The following FUNDC1 variants were observed in gnomAD, a reference collection of about 807,000 sequenced individuals.
The protein encoded by FUNDC1 is FUN14 domain containing 1, also known as FUN14 domain-containing protein 1.
A neutral mutation model predicts 14.5 loss-of-function variants in FUNDC1; 10 were observed. That is an observed-to-expected ratio of 0.69 (90% CI 0.43 to 1.17). The LOEUF is 1.17. Among genes scored for constraint, FUNDC1 ranks in the 50% most tolerant of loss-of-function variants. The pLI is 0.00. For missense variants in FUNDC1, 115 were observed against 113.8 expected, an observed-to-expected ratio of 1.01 and a Z score of -0.05; for synonymous variants, 33 against 39.7, an observed-to-expected ratio of 0.83 and a Z score of 0.64.
chrX:44,524,442 G>C (rs1353311297), intron 4 of FUNDC1, among the ~76,000 whole-genome samples, 167 bp from the exon 5 acceptor site: 1 of 111,246 alleles, frequency 9.0e-6, no homozygotes, highest in Admixed American at 9.8e-5. Flanking sequence ...GAGCTGGGGA[G>C]AGAGGGAAAC....
At chrX:44,534,517 G>A (rs182932892) in intron 3 of FUNDC1, among the ~76,000 whole-genome samples, 1 of 109,484 alleles carries the variant, frequency 9.1e-6, no homozygotes, top group African/African-American at 3.3e-5. Flanking sequence ...CCAGCACAGT[G>A]GATGAAAATA....
At chrX:44,526,152 C>CA (rs2038900898) in intron 4 of FUNDC1, among the ~76,000 whole-genome samples, 1 of 109,854 alleles carries the variant, frequency 9.1e-6, no homozygotes, top group African/African-American at 3.3e-5. Flanking sequence ...AACAGTTGGC[C>CA]GGGCCTGGTG....
chrX:44,539,228 TC>T (rs1336570259), intron 2 of FUNDC1, among the ~76,000 whole-genome samples: 1 of 110,684 alleles, frequency 9.0e-6, no homozygotes, highest in Non-Finnish European at 1.9e-5. Flanking sequence ...GAGCTCACAT[TC>T]CCTTCAGCAT....
At chrX:44,531,240 C>T (rs2038921217) in intron 3 of FUNDC1, among the ~76,000 whole-genome samples, 1 of 83,090 alleles carries the variant, frequency 1.2e-5, no homozygotes, top group African/African-American at 5.5e-5. Context: ...GAGACTGTTT[C>T]CAGAAAAACA....
At chrX:44,535,051 CAGG>C (rs754769418) in intron 3 of FUNDC1, among the ~76,000 whole-genome samples, 2 of 111,440 alleles carry the variant, frequency 1.8e-5, no homozygotes, top group Non-Finnish European at 3.8e-5. Flanking sequence ...GAGGCTGAGG[CAGG>C]AGGATCCCTT....
rs1555922361 is a variant in FUNDC1, at chrX:44,532,529, A to ATATG, written c.262-5165_262-5164insCATA. Among the ~76,000 whole-genome samples, 234 of 105,945 alleles carry ATATG rather than the reference A, an allele frequency of 2.2e-3. 2 individuals are homozygous for ATATG. In the East Asian group the frequency reaches 0.03, roughly 14 times the overall value. 92.0% of individuals were successfully genotyped at this position (105,945 alleles called of 115,157 possible). On this transcript the variant is annotated intron_variant, in intron 3 of 4. Transcript: ENST00000378045. ...ACAATCAAGAGGCTTAAATATATAT[A>ATATG]TGTGTGTGTGTGTGTATATATATAT...
chrX:44,531,315 GACACACACACACAC>G (rs766982993), intron 3 of FUNDC1, among the ~76,000 whole-genome samples: 55 of 18,849 alleles, frequency 2.9e-3, no homozygotes, highest in East Asian at 7.8e-3. Flanking sequence ...ATGTTGGCCA[GACACACACACACAC>G]ACACACACAC....
In FUNDC1 at chrX:44,538,510, T is replaced by C; in HGVS notation, c.218A>G (p.Lys73Arg). The change falls in exon 3 of 5, where the codon AAA becomes AGA. Residue 73 changes from lysine to arginine, a missense_variant. Transcript: ENST00000378045. ...CAGFLFQKVG[K>R]LAATAVGGGF... ...ACCACCTACTGCAGTTGCTGCAAGT[T>C]TTCCAACTTTCTGGAACAGAAATCC... 3 of 1,208,762 alleles carry C rather than the reference T, an allele frequency of 2.5e-6. No individual in the cohort carries two copies. The highest frequency in any genetic ancestry group is 1.7e-5 in the African/African-American group (1 of 57,770).
At chrX:44,536,602 C>T (rs2038950217) in intron 3 of FUNDC1, among the ~76,000 whole-genome samples, 1 of 111,634 alleles carries the variant, frequency 9.0e-6, no homozygotes, top group Non-Finnish European at 1.9e-5. Flanking sequence ...TAAATTTTCC[C>T]ATTCCATAAT....
intron 3 of FUNDC1, among the ~76,000 whole-genome samples, chrX:44,534,483 A>G (rs888367957): frequency 1.8e-5 from 2 of 110,907 alleles, no homozygotes; most frequent in African/African-American, 3.3e-5. Flanking sequence ...AAATTTCCCC[A>G]AACTGAAAGG....
At chrX:44,532,986 C>T in intron 3 of FUNDC1, among the ~76,000 whole-genome samples, 1 of 111,677 alleles carries the variant, frequency 9.0e-6, no homozygotes, top group East Asian at 2.8e-4. Context: ...CTAAGAATTG[C>T]TTGTAGGACA....
chrX:44,534,934 C>T (rs2038941297), intron 3 of FUNDC1, among the ~76,000 whole-genome samples: 1 of 111,041 alleles, frequency 9.0e-6, no homozygotes, highest in East Asian at 2.8e-4. Flanking sequence ...AATGCTTGAG[C>T]CCAGGAGTTC....
At position 44,527,268 on chromosome X, in the gene FUNDC1, G is replaced by C; in HGVS notation, c.359C>G (p.Ala120Gly). Reference sequence around the variant, plus strand: ...AATTAAATTGTTGATTTCAGGTGCTGCTTTGTTCGCTCGTTTCTTAATCTG... The same window carrying C: ...AATTAAATTGTTGATTTCAGGTGCTCCTTTGTTCGCTCGTTTCTTAATCTG... ...KRQIKKRANK[A>G]APEINNLIEE... The change falls in exon 4 of 5, where the codon GCA becomes GGA. Residue 120 changes from alanine to glycine, a missense_variant. Physicochemically the swap from Ala to Gly is moderately conservative, Grantham distance 60. Transcript: ENST00000378045. 1 of 1,191,355 alleles carries C rather than the reference G, an allele frequency of 8.4e-7. No homozygotes were observed. The highest frequency in any genetic ancestry group is 1.8e-5 in the African/African-American group (1 of 56,607).
intron 2 of FUNDC1, among the ~76,000 whole-genome samples, chrX:44,541,280 T>A (rs942328287): frequency 1.6e-4 from 18 of 112,269 alleles, no homozygotes; most frequent in African/African-American, 5.8e-4. Context: ...AGAACAGAAT[T>A]AGATCCACAG....
chrX:44,538,029 G>A (rs1390186599), intron 3 of FUNDC1, among the ~76,000 whole-genome samples: 4 of 112,209 alleles, frequency 3.6e-5, no homozygotes, highest in Non-Finnish European at 7.5e-5. Context: ...TTGCCCAGGC[G>A]GGAGTGCAAT....
At chrX:44,531,185 G>C (rs1044178876) in intron 3 of FUNDC1, among the ~76,000 whole-genome samples, 80 of 107,268 alleles carry the variant, frequency 7.5e-4, no homozygotes, top group Non-Finnish European at 1.3e-3. Context: ...CAAGGCTGCA[G>C]TGACCCATGG....
chrX:44,532,199 A>T (rs1601902024), intron 3 of FUNDC1, among the ~76,000 whole-genome samples: 1 of 109,835 alleles, frequency 9.1e-6, no homozygotes, highest in East Asian at 2.9e-4. Flanking sequence ...GTTCAAGACC[A>T]GCCTGGCCAA....
At chrX:44,535,542 C>T (rs748828638) in intron 3 of FUNDC1, among the ~76,000 whole-genome samples, 3 of 106,721 alleles carry the variant, frequency 2.8e-5, no homozygotes, top group South Asian at 8.5e-4. Context: ...TGGTGGCGGG[C>T]GCCTGTTGTC....
chrX:44,538,340 A>T, intron 3 of FUNDC1, 127 bp downstream of exon 3: 1 of 507,577 alleles, frequency 2.0e-6, no homozygotes, highest in Non-Finnish European at 3.4e-6. Flanking sequence ...AGAAGTATTT[A>T]AATTGTTATC....
Sources: allele counts gnomAD v4.1 joint callset (sites outside exome capture counted in the v4.1 genomes callset), GRCh38; gene constraint gnomAD v4.1.1; transcripts MANE v1.5; gene names NCBI Gene and HGNC (gene_info 2026-07-23, HGNC 2026-07-21).